GPRC5B: variants seen among roughly 807,000 people sequenced by gnomAD.
GPRC5B encodes G protein-coupled receptor family C group 5 member B.
In GPRC5B, 16 loss-of-function variants were observed where a neutral mutation model predicts 30.1. The observed-to-expected ratio is 0.53, with a 90% CI of 0.36 to 0.81. The LOEUF is 0.81. GPRC5B is among the 30% of genes least tolerant of loss of function. The pLI is 0.01. For synonymous variants in GPRC5B, 241 were observed against 239.5 expected, an observed-to-expected ratio of 1.01 and a Z score of -0.06; for missense variants, 428 against 544.7, an observed-to-expected ratio of 0.79 and a Z score of 2.13.
At chr16:19,880,024 C>T (rs1366165299) in intron 1 of GPRC5B, among the ~76,000 whole-genome samples, 1 of 151,418 alleles carries the variant, frequency 6.6e-6, no homozygotes. Context: ...ATCCTAGCTA[C>T]TCAGGAGGCT....
chr16:19,872,693 C>G lies in GPRC5B; in HGVS notation c.153G>C (p.Leu51=). 6.2e-7 allele frequency: 1 copy of G among 1,614,088 alleles called. No homozygotes were observed. Among genetic ancestry groups the G allele is most frequent in the African/African-American group, 1.3e-5 (1 of 75,052 alleles). ...CCACCACAATGCCCCAGATGGCGTC[C>G]AGGTCGCACAGGGACACGTACTGAG... ...LLPQYVSLCD[L]DAIWGIVVEA... is the part of the protein sequence containing the mutation. Residue 51 remains leucine (L), a synonymous_variant, in exon 2 of 4, where the codon CTG becomes CTC. Coordinates refer to ENST00000300571, the MANE Select transcript of GPRC5B (RefSeq NM_016235.3). This position sits in a 1 kb window ranked among gnomAD's most constrained non-coding sequence, Gnocchi z 5.0.
At chr16:19,885,490 G>A, upstream of GPRC5B, 1 of 1,136,966 alleles carries the variant, frequency 8.8e-7, no homozygotes, top group South Asian at 1.7e-5. This position sits in a 1 kb window ranked among gnomAD's most constrained non-coding sequence, Gnocchi z 5.3. Flanking sequence ...TACGCACACT[G>A]GGACCAACAC....
intron 1 of GPRC5B, among the ~76,000 whole-genome samples, chr16:19,879,093 G>A (rs1208287370): frequency 6.6e-6 from 1 of 152,076 alleles, no homozygotes; most frequent in Non-Finnish European, 1.5e-5. Flanking sequence ...TGTGCCCCAT[G>A]GCAGGTAAGC....
Position 19,876,389 on chromosome 16 carries a change from T to C in GPRC5B, c.-1-3543A>G, listed in dbSNP as rs577211754. Among the ~76,000 whole-genome samples, 152 of 152,282 alleles carry C rather than the reference T, an allele frequency of 1.0e-3. 1 individual carries two copies. The highest frequency in any genetic ancestry group is 3.4e-3 in the Middle Eastern group (1 of 294). On this transcript the variant is annotated intron_variant, in intron 1 of 3. Coordinates refer to ENST00000300571, the MANE Select transcript of GPRC5B (RefSeq NM_016235.3). ...GCCCTACAGGTCAACTGTGCCAAGG[T>C]GGAGCAAGCCTGGTTTAGGCACGTA...
Position 19,859,569 on chromosome 16 carries a change from G to C in GPRC5B, c.*931C>G, listed in dbSNP as rs1466403144. 6.6e-6 allele frequency: 1 copy of C among 152,314 alleles called. No individual in the cohort carries two copies. The highest frequency in any genetic ancestry group is 1.5e-5 in the Non-Finnish European group (1 of 68,138). 9.4% of individuals were successfully genotyped at this position (152,314 alleles called of 1,614,324 possible). A position where few individuals can be genotyped will look rare whatever the true frequency, so the allele number is the denominator to read the frequency against. On this transcript the variant is annotated 3_prime_UTR_variant, in exon 4 of 4. Coordinates refer to ENST00000300571, the MANE Select transcript of GPRC5B (RefSeq NM_016235.3). ...ACATCATCGCGGAAAACCTGCCGTG[G>C]TGCCTGCCTTCCAACCTGCCTCCCG...
At chr16:19,885,622 C>G, upstream of GPRC5B, 1 of 1,011,284 alleles carries the variant, frequency 9.9e-7, no homozygotes, top group Non-Finnish European at 1.2e-6. This position sits in a 1 kb window ranked among gnomAD's most constrained non-coding sequence, Gnocchi z 5.3. Context: ...GTCCACTGCC[C>G]TTCAGGGCTC....
chr16:19,866,088 G>A (rs1026814614), intron 2 of GPRC5B, among the ~76,000 whole-genome samples: 12 of 151,746 alleles, frequency 7.9e-5, no homozygotes, highest in Non-Finnish European at 1.5e-4. Context: ...CACCACGCCC[G>A]GCTAATTTTT....
rs191528521 is a variant in GPRC5B, at chr16:19,857,829, A to C, written c.*2671T>G. On this transcript the variant is annotated 3_prime_UTR_variant, in exon 4 of 4. Coordinates refer to ENST00000300571, the MANE Select transcript of GPRC5B (RefSeq NM_016235.3). ...TCTGGAATCCCTGGAGATGCACAGA[A>C]CTTCCCAGTTTGTAAGCTGTCAGAG... 4 of 154,528 alleles carry C rather than the reference A, an allele frequency of 2.6e-5. No homozygotes were observed. In the East Asian group the frequency reaches 7.6e-4, roughly 29 times the overall value. The allele number at this position is 154,528 out of a possible 1,614,324, so 9.6% of individuals were successfully genotyped here.
intron 1 of GPRC5B, among the ~76,000 whole-genome samples, chr16:19,877,828 T>A (rs1246108962): frequency 6.6e-6 from 1 of 152,150 alleles, no homozygotes; most frequent in Non-Finnish European, 1.5e-5. Context: ...TGCTTTTTAC[T>A]ACACACTAGC....
In GPRC5B at chr16:19,872,009, G is replaced by A. The variant is rs374008298; in HGVS notation, c.837C>T (p.Ser279=). 45 of 1,613,938 alleles carry A rather than the reference G, an allele frequency of 2.8e-5. No individual in the cohort carries two copies. The highest frequency in any genetic ancestry group is 4.5e-5 in the East Asian group (2 of 44,882). ...DPTLAITLAA[S]GWVFVIFHAI... ...CGTGGAAGATGACGAAGACCCAGCC[G>A]CTGGCCGCCAGCGTGATGGCCAAGG... The change falls in exon 2 of 4, where the codon AGC becomes AGT. Residue 279 remains serine, a synonymous_variant. Transcript: ENST00000300571. The surrounding 1 kb of genome is among the most constrained non-coding windows in gnomAD (Gnocchi z 5.0).
chr16:19,885,537 C>A, upstream of GPRC5B: 1 of 1,106,446 alleles, frequency 9.0e-7, no homozygotes, highest in South Asian at 2.0e-5. The surrounding 1 kb of genome is among the most constrained non-coding windows in gnomAD (Gnocchi z 5.3). Context: ...CACGTCCAGT[C>A]GGTGCACCCC....
At chr16:19,878,367 A>G (rs891362299) in intron 1 of GPRC5B, among the ~76,000 whole-genome samples, 5 of 151,244 alleles carry the variant, frequency 3.3e-5, no homozygotes, top group African/African-American at 1.2e-4. Flanking sequence ...GTGCAGTGGC[A>G]TGATCTCGGC....
chr16:19,873,761 G>A (rs192246240), intron 1 of GPRC5B, among the ~76,000 whole-genome samples: 160 of 152,086 alleles, frequency 1.1e-3, no homozygotes, highest in Admixed American at 2.7e-3. Context: ...CTCACTCCGC[G>A]GGCTCCCAGC....
intron 1 of GPRC5B, among the ~76,000 whole-genome samples, chr16:19,878,130 C>T (rs982745992): frequency 3.3e-5 from 5 of 151,260 alleles, no homozygotes; most frequent in Admixed American, 6.6e-5. Context: ...ACCCAGGAGG[C>T]GGAGGTTGCA....
intron 2 of GPRC5B, among the ~76,000 whole-genome samples, chr16:19,871,152 C>T (rs141125613): frequency 4.6e-5 from 7 of 151,224 alleles, no homozygotes; most frequent in African/African-American, 7.3e-5. Flanking sequence ...GACATGGTGG[C>T]GTATGCATGC....
rs141140840 is a variant in GPRC5B at position 19,863,926 on chromosome 16, C to T, written c.1031-1953G>A. ...AGGTGGAACAGTTTCATCCTGAAACCGCCCCCCAACCCCCCCGCAACCTTG... is the reference window on the plus strand; with the variant it reads ...AGGTGGAACAGTTTCATCCTGAAACTGCCCCCCAACCCCCCCGCAACCTTG... On this transcript the variant is annotated intron_variant, in intron 2 of 3. Transcript: ENST00000300571. Among the ~76,000 whole-genome samples, 636 of 152,128 alleles carry T rather than the reference C, an allele frequency of 4.2e-3. 6 individuals are homozygous for T. Among genetic ancestry groups the T allele is most frequent in the African/African-American group, 0.015 (604 of 41,490 alleles).
intron 2 of GPRC5B, among the ~76,000 whole-genome samples, chr16:19,867,197 C>A (rs939083569): frequency 6.6e-6 from 1 of 152,182 alleles, no homozygotes; most frequent in Non-Finnish European, 1.5e-5. Context: ...GGCGCTTAAG[C>A]GCTTTATGGA....
At chr16:19,885,270 G>T (rs774789413), upstream of GPRC5B, 23 of 1,284,908 alleles carry the variant, frequency 1.8e-5, no homozygotes, top group Non-Finnish European at 2.0e-5. This position sits in a 1 kb window ranked among gnomAD's most constrained non-coding sequence, Gnocchi z 5.3. Context: ...ACGCTCCAAG[G>T]GGGGTTCATA....
In GPRC5B at chr16:19,872,985, A is replaced by C; in HGVS notation, c.-1-139T>G. ...ACACGGCACCTTTGCACACATAGGA[A>C]AACGTGCTCCTTTCCTCAGGCACGG... On this transcript the variant is annotated intron_variant, in intron 1 of 3. Coordinates refer to ENST00000300571, the MANE Select transcript of GPRC5B (RefSeq NM_016235.3). The surrounding 1 kb of genome is among the most constrained non-coding windows in gnomAD (Gnocchi z 5.0). 1 of 641,550 alleles carries C rather than the reference A, an allele frequency of 1.6e-6. No individual in the cohort carries two copies. Among genetic ancestry groups the C allele is most frequent in the Non-Finnish European group, 2.7e-6 (1 of 370,020 alleles). The allele number at this position is 641,550 out of a possible 1,614,324, so 39.7% of individuals were successfully genotyped here. A position where few individuals can be genotyped will look rare whatever the true frequency, so the allele number is the denominator to read the frequency against.
Sources: gnomAD v4.1 joint callset for allele counts (sites outside exome capture counted in the v4.1 genomes callset) on GRCh38, gnomAD v4.1.1 for gene constraint, Gnocchi (gnomAD v3.1) non-coding constraint, MANE v1.5 for transcripts, NCBI Gene and HGNC (gene_info 2026-07-23, HGNC 2026-07-21) for gene names.